MYO5B: variants seen among roughly 807,000 people sequenced by gnomAD.
MYO5B encodes myosin VB, also known as unconventional myosin-Vb.
Under a neutral mutation model 229.3 loss-of-function variants are expected in MYO5B, and 143 were observed. That is an observed-to-expected ratio of 0.62 (90% CI 0.54 to 0.72). MYO5B has a LOEUF of 0.72. Among genes scored for constraint, MYO5B ranks in the 30% least tolerant of loss-of-function variants. MYO5B has a pLI of 0.00. For missense variants in MYO5B, 2,321 were observed against 2,331.0 expected, an observed-to-expected ratio of 1.00 and a Z score of 0.09; for synonymous variants, 918 against 885.2, an observed-to-expected ratio of 1.04 and a Z score of -0.66.
chr18:50,036,835 T>C lies in MYO5B; in HGVS notation c.455+15A>G. On this transcript the variant is annotated intron_variant, in intron 4 of 39. Transcript: ENST00000285039. ...TGACTACTCAGGAGGACTTCTGGGC[T>C]GAGGACATTCTCACCTGGCCATCTG... 1 of 1,614,016 alleles carries C rather than the reference T, an allele frequency of 6.2e-7. No homozygotes were observed. The highest frequency in any genetic ancestry group is 8.5e-7 in the Non-Finnish European group (1 of 1,180,002).
At chr18:49,835,766 TGAAGA>T (rs1223820670) in intron 38 of MYO5B, among the ~76,000 whole-genome samples, 1 of 152,222 alleles carries the variant, frequency 6.6e-6, no homozygotes, top group Non-Finnish European at 1.5e-5. Flanking sequence ...AGGTTTCTTC[TGAAGA>T]GTACTGGAGA....
At chr18:49,897,231 C>A (rs1415422869) in intron 21 of MYO5B, among the ~76,000 whole-genome samples, 1 of 152,162 alleles carries the variant, frequency 6.6e-6, no homozygotes, top group Non-Finnish European at 1.5e-5. Context: ...CACAGCCATG[C>A]AGCCAAGCCT....
chr18:50,051,998 C>T (rs1441918979), intron 2 of MYO5B, among the ~76,000 whole-genome samples: 7 of 152,162 alleles, frequency 4.6e-5, no homozygotes, highest in Non-Finnish European at 8.8e-5. Context: ...GACTGCCACA[C>T]AATGAGATAC....
At chr18:50,049,734 A>G (rs2030341249) in intron 2 of MYO5B, among the ~76,000 whole-genome samples, 1 of 152,160 alleles carries the variant, frequency 6.6e-6, no homozygotes, top group African/African-American at 2.4e-5. Flanking sequence ...ACATTGCCAA[A>G]TGTTCGGGGC....
rs868649263 is a variant in MYO5B, at chr18:50,187,824, T to A, written c.27+6943A>T. 1.1e-4 allele frequency among the ~76,000 whole-genome samples: 16 copies of A among 152,258 alleles called. 1 individual carries two copies. In the South Asian group the frequency reaches 3.1e-3, roughly 30 times the overall value. On this transcript the variant is annotated intron_variant, in intron 1 of 39. Transcript: ENST00000285039. ...GAGTGACTGTGCCTGGCTTGACCAA[T>A]GTTCTTCAAGTGTCAAGGTCATGAA...
At chr18:49,978,203 T>TCC (rs2025773889) in intron 9 of MYO5B, among the ~76,000 whole-genome samples, 1 of 151,994 alleles carries the variant, frequency 6.6e-6, no homozygotes. Context: ...CATCCATGCC[T>TCC]CCCTAAGAGG....
intron 2 of MYO5B, among the ~76,000 whole-genome samples, chr18:50,047,652 G>A (rs1232097484): frequency 6.6e-6 from 1 of 152,044 alleles, no homozygotes; most frequent in Non-Finnish European, 1.5e-5. Flanking sequence ...TATGTTTATT[G>A]CGGCACTATT....
chr18:50,104,434 A>AT (rs1219406328), intron 1 of MYO5B, among the ~76,000 whole-genome samples: 1 of 152,062 alleles, frequency 6.6e-6, no homozygotes, highest in Non-Finnish European at 1.5e-5. Flanking sequence ...ATTTGTGGTC[A>AT]TTAATTTATT....
At chr18:50,106,427 ATCATCATCTGGCCT>A (rs1367574310) in intron 1 of MYO5B, among the ~76,000 whole-genome samples, 4 of 152,180 alleles carry the variant, frequency 2.6e-5, no homozygotes, top group Admixed American at 6.5e-5. Flanking sequence ...CAAAGGGGTC[ATCATCATCTGGCCT>A]TCATCATCTG....
chr18:50,113,349 C>T (rs79032090), intron 1 of MYO5B, among the ~76,000 whole-genome samples: 3,873 of 152,286 alleles, frequency 0.025, 165 homozygotes, highest in African/African-American at 0.089. Context: ...ACTGATGCCT[C>T]CCTGTGATGC....
intron 1 of MYO5B, among the ~76,000 whole-genome samples, chr18:50,075,345 C>G (rs942157876): frequency 2.6e-5 from 4 of 152,058 alleles, no homozygotes; most frequent in Non-Finnish European, 4.4e-5. Flanking sequence ...ATGAAGAATC[C>G]AAGTTTTAAA....
intron 6 of MYO5B, 31 bp downstream of exon 6, chr18:49,992,257 T>C (rs936716799): frequency 3.7e-6 from 6 of 1,614,010 alleles, no homozygotes; most frequent in African/African-American, 1.3e-5. Context: ...CCATGAGAAA[T>C]ACACAAAAGG....
chr18:50,106,144 C>T (rs1599024643), intron 1 of MYO5B, among the ~76,000 whole-genome samples: 1 of 152,024 alleles, frequency 6.6e-6, no homozygotes, highest in African/African-American at 2.4e-5. Context: ...TCTTCACTTC[C>T]CCTCTACCTC....
chr18:50,161,152 G>A (rs1045402730), intron 1 of MYO5B, among the ~76,000 whole-genome samples: 5 of 152,184 alleles, frequency 3.3e-5, no homozygotes, highest in Non-Finnish European at 5.9e-5. Flanking sequence ...AGGAGCCCAC[G>A]GCAGGCAGAT....
intron 27 of MYO5B, among the ~76,000 whole-genome samples, chr18:49,867,005 G>A (rs1186549869): frequency 3.3e-5 from 5 of 152,284 alleles, no homozygotes; most frequent in South Asian, 2.1e-4. Flanking sequence ...AGGACTTGCC[G>A]GGGAAATGCT....
chr18:49,908,377 A>G (rs2024923381), intron 18 of MYO5B, among the ~76,000 whole-genome samples: 1 of 152,226 alleles, frequency 6.6e-6, no homozygotes, highest in Admixed American at 6.5e-5. Flanking sequence ...ACCTTTCTCC[A>G]AGAGTCAGAC....
chr18:50,049,311 C>A (rs1191527138), intron 2 of MYO5B, among the ~76,000 whole-genome samples: 1 of 152,082 alleles, frequency 6.6e-6, no homozygotes, highest in Non-Finnish European at 1.5e-5. Context: ...GATAAATCAA[C>A]AGTGATGCAA....
chr18:49,894,749 C>T (rs1053038293), intron 22 of MYO5B, among the ~76,000 whole-genome samples, 192 bp downstream of exon 22: 7 of 152,236 alleles, frequency 4.6e-5, no homozygotes, highest in African/African-American at 1.7e-4. Context: ...ACAGCAGAAG[C>T]GCAGTCATGC....
At chr18:49,876,660 G>C (rs1229915122) in intron 25 of MYO5B, among the ~76,000 whole-genome samples, 1 of 152,190 alleles carries the variant, frequency 6.6e-6, no homozygotes, top group African/African-American at 2.4e-5. Context: ...ACAAACACCA[G>C]GGTGATAAGC....
Sources: gnomAD v4.1 joint callset for allele counts (sites outside exome capture counted in the v4.1 genomes callset) on GRCh38, gnomAD v4.1.1 for gene constraint, MANE v1.5 for transcripts, NCBI Gene and HGNC (gene_info 2026-07-23, HGNC 2026-07-21) for gene names.